Variants in MBD5 observed in about 807,000 individuals in gnomAD.
MBD5 encodes the protein methyl-CpG binding domain protein 5, also known as methyl-CpG-binding domain protein 5.
Under a neutral mutation model 117.3 loss-of-function variants are expected in MBD5, and 13 were observed. That is an observed-to-expected ratio of 0.11 (90% CI 0.07 to 0.18). MBD5 has a LOEUF of 0.18. Ranked by LOEUF, MBD5 falls within the 10% of genes least tolerant of loss-of-function variation. The probability of loss-of-function intolerance (pLI) is 1.00; values close to 1 mark genes in which losing one functional copy is unlikely to be tolerated. For missense variants in MBD5, 1,879 were observed against 2,093.8 expected (o/e 0.90, Z 2.00); for synonymous variants, 727 against 766.4 (o/e 0.95, Z 0.85).
chr2:148,047,679 G>A (rs1002288116), intron 1 of MBD5, among the ~76,000 whole-genome samples: 12 of 152,120 alleles, frequency 7.9e-5, no homozygotes, highest in African/African-American at 2.9e-4. Flanking sequence ...AATGTATAAG[G>A]TCATCTAGAG....
chr2:148,489,728 C>T lies in MBD5; in HGVS notation c.4096C>T (p.Pro1366Ser). ...TGCCTTCACTGCCTCAATTGGTGAC[C>T]CATTAAATCTCTCCAGTGCTGTCAG... ...MSAFTASIGD[P>S]LNLSSAVSAV... The change falls in exon 11 of 14, where the codon CCA (proline) becomes TCA (serine). Residue 1366 changes from proline to serine, a missense_variant. Physicochemically the swap from Pro to Ser is moderately conservative, Grantham distance 74. Coordinates refer to ENST00000642680, the MANE Select transcript of MBD5 (RefSeq NM_001378120.1). The T allele has an allele frequency of 6.2e-7, 1 of 1,614,076 alleles. No homozygotes were observed. Among genetic ancestry groups the T allele is most frequent in the Non-Finnish European group, 8.5e-7 (1 of 1,180,028 alleles).
chr2:148,169,465 A>G (rs919489891), intron 1 of MBD5, among the ~76,000 whole-genome samples: 19 of 152,184 alleles, frequency 1.2e-4, no homozygotes, highest in Admixed American at 1.2e-3. Flanking sequence ...CCTCTCAGAA[A>G]AATCTCTCAA....
intron 1 of MBD5, among the ~76,000 whole-genome samples, chr2:148,083,878 G>A (rs188127146): frequency 1.3e-3 from 194 of 152,102 alleles, no homozygotes; most frequent in African/African-American, 4.5e-3. Context: ...CACCCACCTC[G>A]GCCTCCCAAA....
rs576903724 is a variant in MBD5 at position 148,434,413 on chromosome 2, A to G, written c.-556-23790A>G. 3.3e-5 allele frequency among the ~76,000 whole-genome samples: 5 copies of G among 151,864 alleles called. 1 individual carries two copies. Among genetic ancestry groups the G allele is most frequent in the African/African-American group, 9.6e-5 (4 of 41,452 alleles). Reference sequence around the variant, plus strand: ...TTTTTGTTATTTCTTGTCTTTTGCTAGCTTTGGGGTTACTTTTGTGTTGCT... The same window carrying G: ...TTTTTGTTATTTCTTGTCTTTTGCTGGCTTTGGGGTTACTTTTGTGTTGCT... On this transcript the variant is annotated intron_variant, in intron 4 of 13. Coordinates refer to ENST00000642680, the MANE Select transcript of MBD5 (RefSeq NM_001378120.1).
At chr2:148,445,411 T>A (rs1574430709) in intron 4 of MBD5, among the ~76,000 whole-genome samples, 2 of 151,218 alleles carry the variant, frequency 1.3e-5, no homozygotes, top group South Asian at 4.1e-4. Context: ...CTTGCGATAG[T>A]TTGCTGAGAA....
At chr2:148,062,695 A>G (rs1695073215) in intron 1 of MBD5, 1 of 152,056 alleles carries the variant, frequency 6.6e-6, no homozygotes. Context: ...CCTGAGTTTC[A>G]TTAACCATGG....
At chr2:148,219,550 G>T (rs963831117) in intron 2 of MBD5, among the ~76,000 whole-genome samples, 2 of 152,176 alleles carry the variant, frequency 1.3e-5, no homozygotes, top group African/African-American at 4.8e-5. Context: ...ATGACTAATA[G>T]AGAGTTGTAA....
intron 9 of MBD5, chr2:148,485,529 G>T (rs927160009): frequency 1.3e-5 from 7 of 552,074 alleles, no homozygotes; most frequent in South Asian, 1.1e-4. Flanking sequence ...TTTCCATGAT[G>T]TAAAATTAAA....
chr2:148,336,320 T>C (rs1702787105), intron 3 of MBD5, among the ~76,000 whole-genome samples: 1 of 152,192 alleles, frequency 6.6e-6, no homozygotes, highest in South Asian at 2.1e-4. Flanking sequence ...ATTTCTGAAT[T>C]AAAATTAATT....
At chr2:148,339,584 C>T (rs940379890) in intron 3 of MBD5, among the ~76,000 whole-genome samples, 1 of 152,090 alleles carries the variant, frequency 6.6e-6, no homozygotes, top group African/African-American at 2.4e-5. Context: ...AACAGTACAA[C>T]ACACAGTCAA....
At chr2:148,156,728 T>G (rs1467094769) in intron 1 of MBD5, among the ~76,000 whole-genome samples, 1 of 152,230 alleles carries the variant, frequency 6.6e-6, no homozygotes, top group East Asian at 1.9e-4. Flanking sequence ...ATTTAGTTAC[T>G]CTAATAGAAG....
chr2:148,126,980 T>C (rs1448169777), intron 1 of MBD5, among the ~76,000 whole-genome samples: 3 of 147,212 alleles, frequency 2.0e-5, no homozygotes, highest in African/African-American at 4.9e-5. Flanking sequence ...TTTCTTTCTT[T>C]TTTTTTTTTT....
At chr2:148,387,085 A>G (rs1704396171) in intron 4 of MBD5, among the ~76,000 whole-genome samples, 1 of 152,180 alleles carries the variant, frequency 6.6e-6, no homozygotes, top group Non-Finnish European at 1.5e-5. Context: ...TTAATAGCCA[A>G]ACCAGCCAAA....
chr2:148,142,340 G>T (rs1697339672), intron 1 of MBD5, among the ~76,000 whole-genome samples: 1 of 152,166 alleles, frequency 6.6e-6, no homozygotes, highest in Non-Finnish European at 1.5e-5. Flanking sequence ...AGAAGATTGT[G>T]AGGTGCTTCC....
In MBD5 at chr2:148,395,343, T is replaced by C. The variant is rs73015188; in HGVS notation, c.-557+53007T>C. ...GTTTTTACACCACTACCCTTTCATC[T>C]GAGTTTCTACGCTATTCAGTCAATT... On this transcript the variant is annotated intron_variant, in intron 4 of 13. Transcript: ENST00000642680. Among the ~76,000 whole-genome samples, 600 of 152,258 alleles carry C rather than the reference T, an allele frequency of 3.9e-3. 5 individuals are homozygous for C. The highest frequency in any genetic ancestry group is 0.013 in the African/African-American group (560 of 41,548).
intron 3 of MBD5, among the ~76,000 whole-genome samples, chr2:148,295,193 A>T (rs1574251979): frequency 6.6e-6 from 1 of 152,018 alleles, no homozygotes; most frequent in East Asian, 1.9e-4. Context: ...GCTGTGTTTC[A>T]TGGTGTCCCA....
intron 6 of MBD5, among the ~76,000 whole-genome samples, chr2:148,463,256 ACCG>A (rs1395070862): frequency 6.6e-6 from 1 of 152,144 alleles, no homozygotes; most frequent in Non-Finnish European, 1.5e-5. Flanking sequence ...TTTGTGTGTC[ACCG>A]CATTCCAAAA....
intron 4 of MBD5, among the ~76,000 whole-genome samples, chr2:148,342,947 T>A (rs550532984): frequency 6.6e-6 from 1 of 152,060 alleles, no homozygotes; most frequent in Non-Finnish European, 1.5e-5. Context: ...CCTCTAGTAG[T>A]CCCTGTTGTC....
intron 1 of MBD5, among the ~76,000 whole-genome samples, chr2:148,166,705 T>C (rs1167988418): frequency 1.3e-5 from 2 of 152,278 alleles, no homozygotes; most frequent in African/African-American, 4.8e-5. Context: ...TTCTAACACC[T>C]CTCCCTGCTA....
Sources: gnomAD v4.1 joint callset for allele counts (sites outside exome capture counted in the v4.1 genomes callset) on GRCh38, gnomAD v4.1.1 for gene constraint, MANE v1.5 for transcripts, NCBI Gene and HGNC (gene_info 2026-07-23, HGNC 2026-07-21) for gene names.